The following CA10 variants were observed in gnomAD, a reference collection of about 807,000 sequenced individuals.
CA10 encodes carbonic anhydrase 10 (inactive).
A neutral mutation model predicts 44.2 loss-of-function variants in CA10; 14 were observed. The observed-to-expected ratio is 0.32, with a 90% CI of 0.21 to 0.50. The LOEUF is 0.50. Ranked by LOEUF, CA10 falls within the 20% of genes least tolerant of loss-of-function variation. The probability of loss-of-function intolerance (pLI) is 0.99; values close to 1 mark genes in which losing one functional copy is unlikely to be tolerated. For synonymous variants in CA10, 159 were observed against 141.6 expected, an observed-to-expected ratio of 1.12 and a Z score of -0.87; for missense variants, 350 against 409.7, an observed-to-expected ratio of 0.85 and a Z score of 1.26.
At chr17:51,674,605 T>G in intron 4 of CA10, among the ~76,000 whole-genome samples, 1 of 152,222 alleles carries the variant, frequency 6.6e-6, no homozygotes, top group African/African-American at 2.4e-5. Flanking sequence ...ATTATCTGCA[T>G]TATACTAATT....
Position 51,787,785 on chromosome 17 carries a change from C to T in CA10, c.280-39967G>A, listed in dbSNP as rs139834816. Among the ~76,000 whole-genome samples, 86 of 152,308 alleles carry T rather than the reference C, an allele frequency of 5.6e-4. 1 individual carries two copies. The East Asian group carries it at 0.01, about 18-fold the overall frequency. ...CTAGGATTACAGGCGTAAGCCACTC[C>T]CCCTGGCCTCAGTGGTATCAGTTTT... On this transcript the variant is annotated intron_variant, in intron 3 of 8. Coordinates refer to ENST00000451037, the MANE Select transcript of CA10 (RefSeq NM_020178.5).
intron 1 of CA10, among the ~76,000 whole-genome samples, chr17:52,145,232 T>C (rs1156866675): frequency 6.6e-6 from 1 of 152,208 alleles, no homozygotes; most frequent in Non-Finnish European, 1.5e-5. Flanking sequence ...GTGAAAGATC[T>C]TCCTATATTT....
At chr17:51,792,974 G>A (rs752073432) in intron 3 of CA10, among the ~76,000 whole-genome samples, 2 of 152,204 alleles carry the variant, frequency 1.3e-5, no homozygotes, top group Non-Finnish European at 2.9e-5. Flanking sequence ...TTTAATGCAA[G>A]AGCAAAGAAG....
intron 4 of CA10, among the ~76,000 whole-genome samples, chr17:51,662,571 A>T (rs11079978): frequency 3.3e-5 from 5 of 152,052 alleles, no homozygotes; most frequent in Admixed American, 2.0e-4. Context: ...ACTATAAGCT[A>T]GAACTTATTT....
At chr17:52,052,196 C>T (rs1008576109) in intron 2 of CA10, among the ~76,000 whole-genome samples, 8 of 151,244 alleles carry the variant, frequency 5.3e-5, no homozygotes, top group South Asian at 2.1e-4. Context: ...GCTTAATACC[C>T]GGGTGATTAA....
chr17:51,902,612 T>C (rs1251433490), intron 3 of CA10, among the ~76,000 whole-genome samples: 3 of 152,156 alleles, frequency 2.0e-5, no homozygotes, highest in South Asian at 2.1e-4. Context: ...ACAGCTTATC[T>C]GGGAGCCCTG....
At chr17:52,088,532 C>G (rs950935034) in intron 1 of CA10, among the ~76,000 whole-genome samples, 2 of 152,106 alleles carry the variant, frequency 1.3e-5, no homozygotes. Context: ...TCACCTCCAG[C>G]ACTCTACCAC....
chr17:51,770,156 C>T (rs1905546886), intron 3 of CA10, among the ~76,000 whole-genome samples: 1 of 150,074 alleles, frequency 6.7e-6, no homozygotes, highest in Admixed American at 6.6e-5. Context: ...TTTGGGTGTG[C>T]CTGTCTGTTT....
At chr17:52,088,282 C>T (rs1392564453) in intron 1 of CA10, among the ~76,000 whole-genome samples, 1 of 152,198 alleles carries the variant, frequency 6.6e-6, no homozygotes, top group Non-Finnish European at 1.5e-5. Flanking sequence ...CTAAACAGAA[C>T]ATCTGAATTC....
chr17:51,809,080 A>G (rs1567846656), intron 3 of CA10, among the ~76,000 whole-genome samples: 1 of 151,506 alleles, frequency 6.6e-6, no homozygotes, highest in Non-Finnish European at 1.5e-5. Flanking sequence ...TCATAGCACT[A>G]TGAGACCTAA....
intron 3 of CA10, among the ~76,000 whole-genome samples, chr17:51,880,064 T>C: frequency 6.6e-6 from 1 of 152,170 alleles, no homozygotes; most frequent in Non-Finnish European, 1.5e-5. Flanking sequence ...ATCTTCTTTA[T>C]AGGGCTCTCA....
At chr17:52,059,233 T>C (rs1168219411) in intron 2 of CA10, among the ~76,000 whole-genome samples, 3 of 152,300 alleles carry the variant, frequency 2.0e-5, no homozygotes, top group African/African-American at 7.2e-5. Context: ...TCCTTAATGC[T>C]GCTAACTATA....
chr17:51,797,719 T>C (rs1367431972), intron 3 of CA10, among the ~76,000 whole-genome samples: 5 of 152,028 alleles, frequency 3.3e-5, no homozygotes, highest in African/African-American at 1.2e-4. Flanking sequence ...CCGGGCATGG[T>C]GGCATGCGCC....
chr17:52,036,037 C>T (rs1598178634), intron 2 of CA10, among the ~76,000 whole-genome samples: 1 of 152,098 alleles, frequency 6.6e-6, no homozygotes, highest in Admixed American at 6.5e-5. Flanking sequence ...GATTGGTGGG[C>T]CCCACCCCCA....
chr17:52,037,417 G>A (rs888211361), intron 2 of CA10, among the ~76,000 whole-genome samples: 1 of 152,124 alleles, frequency 6.6e-6, no homozygotes, highest in African/African-American at 2.4e-5. Flanking sequence ...AAAGATCAGT[G>A]AGTAACACCT....
At chr17:51,721,796 C>G (rs1455860166) in intron 4 of CA10, among the ~76,000 whole-genome samples, 1 of 152,100 alleles carries the variant, frequency 6.6e-6, no homozygotes. Context: ...CAAAGAAGGC[C>G]TAGAAGCTTC....
In CA10 at chr17:51,772,934, C is replaced by A. The variant is rs183931237; in HGVS notation, c.280-25116G>T. Among the ~76,000 whole-genome samples, 15 of 152,276 alleles carry A rather than the reference C, an allele frequency of 9.9e-5. No individual in the cohort carries two copies. The East Asian group carries it at 2.9e-3, about 29-fold the overall frequency. ...TTTTGATGTCTCCCTTCTCTGGGCT[C>A]TTAGAGCACTTAGCATCTCTGTAAT... is the stretch of plus-strand genomic sequence containing the variant. On this transcript the variant is annotated intron_variant, in intron 3 of 8. Transcript: ENST00000451037.
chr17:52,113,430 G>A (rs118109876), intron 1 of CA10, among the ~76,000 whole-genome samples: 1 of 152,122 alleles, frequency 6.6e-6, no homozygotes, highest in Non-Finnish European at 1.5e-5. Flanking sequence ...ATACCCATAT[G>A]CATAAGGCAT....
intron 2 of CA10, among the ~76,000 whole-genome samples, chr17:52,048,349 C>A (rs1986970592): frequency 6.6e-6 from 1 of 152,008 alleles, no homozygotes; most frequent in African/African-American, 2.4e-5. Flanking sequence ...AGAGCGATTT[C>A]TTGCATCTGT....
Sources: gnomAD v4.1 joint callset for allele counts (sites outside exome capture counted in the v4.1 genomes callset) on GRCh38, gnomAD v4.1.1 for gene constraint, MANE v1.5 for transcripts, NCBI Gene and HGNC (gene_info 2026-07-23, HGNC 2026-07-21) for gene names.